Variants in PCDHA3 observed in about 807,000 individuals in gnomAD.
PCDHA3 encodes the protein protocadherin alpha-3.
Under a neutral mutation model 62.2 loss-of-function variants are expected in PCDHA3, and 41 were observed. The observed-to-expected ratio is 0.66, with a 90% CI of 0.51 to 0.86. PCDHA3 has a LOEUF of 0.86. Ranked by LOEUF, PCDHA3 falls within the 40% of genes least tolerant of loss-of-function variation. The pLI is 0.00. For missense variants in PCDHA3, 1,304 were observed against 1,241.2 expected (o/e 1.05, Z -0.76); for synonymous variants, 640 against 555.4 (o/e 1.15, Z -2.14).
chr5:140,891,569 CAT>C (rs59481749), intron 1 of PCDHA3, among the ~76,000 whole-genome samples: 3,590 of 152,218 alleles, frequency 0.024, 138 homozygotes, highest in African/African-American at 0.082. Flanking sequence ...TCTAATTAAA[CAT>C]ATTTTAATCT....
At chr5:140,919,982 G>GA (rs35005979) in intron 1 of PCDHA3, among the ~76,000 whole-genome samples, 49,705 of 152,056 alleles carry the variant, frequency 0.33, 8,403 homozygotes, top group East Asian at 0.53. Flanking sequence ...GATAGAAGAT[G>GA]GAAAACAGAC....
At chr5:140,803,690 T>C (rs782237100) in intron 1 of PCDHA3, 99 bp downstream of exon 1, 1 of 1,553,866 alleles carries the variant, frequency 6.4e-7, no homozygotes, top group East Asian at 2.2e-5. Flanking sequence ...GTATGAATTA[T>C]GTGATTCATA....
chr5:140,868,248 T>C (rs1554161850), intron 1 of PCDHA3: 1 of 152,160 alleles, frequency 6.6e-6, no homozygotes, highest in East Asian at 1.9e-4. Context: ...CAATAGACTT[T>C]TCCTTTGTGG....
At chr5:140,849,879 G>T (rs1554143450) in intron 1 of PCDHA3, 2 of 1,598,636 alleles carry the variant, frequency 1.3e-6, no homozygotes, top group Admixed American at 1.7e-5. Context: ...CGAGTACACG[G>T]TGTTCGTGAA....
In PCDHA3 at chr5:140,842,705, G is replaced by C. The variant is rs2150342552; in HGVS notation, c.2394+39114G>C. 4 of 1,595,328 alleles carry C rather than the reference G, an allele frequency of 2.5e-6. No homozygotes were observed. The African/African-American group carries it at 4.0e-5, about 16-fold the overall frequency. On this transcript the variant is annotated intron_variant, in intron 1 of 3. Coordinates refer to ENST00000522353, the MANE Select transcript of PCDHA3 (RefSeq NM_018906.3). ...GGCGTTCGCGCAGCCCGAGTACACG[G>C]TGTTCGTGAAGGAGAACAACCCGCC... is the stretch of plus-strand genomic sequence containing the variant.
At chr5:140,985,670 G>A (rs1554247237) in intron 3 of PCDHA3, among the ~76,000 whole-genome samples, 1 of 152,024 alleles carries the variant, frequency 6.6e-6, no homozygotes, top group East Asian at 1.9e-4. Flanking sequence ...AAAGGAAGTG[G>A]GGCCTGCCTT....
At chr5:140,867,777 A>C (rs1477276984) in intron 1 of PCDHA3, 1 of 152,128 alleles carries the variant, frequency 6.6e-6, no homozygotes, top group Non-Finnish European at 1.5e-5. Context: ...CTCATAAGCA[A>C]TTCCTGTATT....
intron 1 of PCDHA3, among the ~76,000 whole-genome samples, chr5:140,819,544 C>A (rs1389575775): frequency 6.6e-6 from 1 of 152,036 alleles, no homozygotes; most frequent in Admixed American, 6.5e-5. Flanking sequence ...TAATCTGTAA[C>A]ATTTGATTGA....
chr5:140,983,523 T>G (rs1186391173), intron 3 of PCDHA3, among the ~76,000 whole-genome samples: 1 of 152,224 alleles, frequency 6.6e-6, no homozygotes, highest in East Asian at 1.9e-4. Flanking sequence ...CTGTGCCAAG[T>G]ACATTGTATG....
At chr5:140,883,920 T>C in intron 1 of PCDHA3, 1 of 1,613,492 alleles carries the variant, frequency 6.2e-7, no homozygotes, top group Non-Finnish European at 8.5e-7. Flanking sequence ...AACGTGACGC[T>C]GCAGGTGTTC....
chr5:140,855,873 A>G lies in PCDHA3; in HGVS notation c.2394+52282A>G. ...ACCGGATGTCGCTGTCGTCCACAAAATAGCTTTTTAGAACAAAGGCATCAG... is the reference window on the plus strand; with the variant it reads ...ACCGGATGTCGCTGTCGTCCACAAAGTAGCTTTTTAGAACAAAGGCATCAG... On this transcript the variant is annotated intron_variant, in intron 1 of 3. Coordinates refer to ENST00000522353, the MANE Select transcript of PCDHA3 (RefSeq NM_018906.3). The G allele has an allele frequency of 2.3e-6, 2 of 864,574 alleles. 1 individual carries two copies. Among genetic ancestry groups the G allele is most frequent in the South Asian group, 4.1e-5 (2 of 49,350 alleles). The allele number at this position is 864,574 out of a possible 1,614,324, so 53.6% of individuals were successfully genotyped here.
At chr5:140,832,592 C>A (rs1300587314) in intron 1 of PCDHA3, among the ~76,000 whole-genome samples, 1 of 152,174 alleles carries the variant, frequency 6.6e-6, no homozygotes, top group Non-Finnish European at 1.5e-5. Context: ...AAGTAGAGAA[C>A]TATAGCGTTG....
At chr5:140,875,103 A>ACTAATATCATG (rs2055275043) in intron 1 of PCDHA3, among the ~76,000 whole-genome samples, 2 of 152,340 alleles carry the variant, frequency 1.3e-5, no homozygotes, top group African/African-American at 4.8e-5. Context: ...ATGTTTTGTT[A>ACTAATATCATG]CTAATATCAT....
chr5:140,942,316 A>G (rs1197832358), intron 1 of PCDHA3, among the ~76,000 whole-genome samples: 1 of 152,100 alleles, frequency 6.6e-6, no homozygotes, highest in Non-Finnish European at 1.5e-5. Flanking sequence ...AGGTCGAGGC[A>G]CAAGAATCAC....
chr5:140,833,767 C>CA (rs1772642182), intron 1 of PCDHA3, among the ~76,000 whole-genome samples: 1 of 151,616 alleles, frequency 6.6e-6, no homozygotes, highest in Non-Finnish European at 1.5e-5. Flanking sequence ...CACACACACA[C>CA]CGCTTTCTAA....
At position 140,883,268 on chromosome 5, in the gene PCDHA3, T is replaced by C. The variant is rs782069573; in HGVS notation, c.2394+79677T>C. 3 of 1,613,912 alleles carry C rather than the reference T, an allele frequency of 1.9e-6. No homozygotes were observed. The African/African-American group carries it at 4.0e-5, about 22-fold the overall frequency. On this transcript the variant is annotated intron_variant, in intron 1 of 3. Coordinates refer to ENST00000522353, the MANE Select transcript of PCDHA3 (RefSeq NM_018906.3). ...AGGAAATATTCCAATGGCGGGTCAT[T>C]GTACCCTTTTGGTGGAAGTACTAGA...
chr5:140,961,007 T>C (rs2095583572), intron 1 of PCDHA3, among the ~76,000 whole-genome samples: 1 of 152,230 alleles, frequency 6.6e-6, no homozygotes, highest in Non-Finnish European at 1.5e-5. Context: ...GCTGCTGGAC[T>C]GCATGGACAC....
intron 1 of PCDHA3, chr5:140,851,487 C>A: frequency 2.2e-6 from 2 of 889,094 alleles, no homozygotes; most frequent in Non-Finnish European, 1.4e-6. Flanking sequence ...TAAACACAGC[C>A]TTCATTTCAA....
At chr5:140,917,941 T>C (rs1415827294) in intron 1 of PCDHA3, among the ~76,000 whole-genome samples, 1 of 152,146 alleles carries the variant, frequency 6.6e-6, no homozygotes, top group Non-Finnish European at 1.5e-5. Flanking sequence ...ATAATATTGG[T>C]AGTTTGATAG....
Sources: gnomAD v4.1 joint callset for allele counts (sites outside exome capture counted in the v4.1 genomes callset) on GRCh38, gnomAD v4.1.1 for gene constraint, MANE v1.5 for transcripts, NCBI Gene and HGNC (gene_info 2026-07-23, HGNC 2026-07-21) for gene names.